Variants in SLIT2 observed in about 807,000 individuals in gnomAD.
SLIT2 encodes the protein slit guidance ligand 2, also known as slit homolog 2 protein.
Under a neutral mutation model 185.7 loss-of-function variants are expected in SLIT2, and 41 were observed. That is an observed-to-expected ratio of 0.22 (90% CI 0.17 to 0.29). SLIT2 has a LOEUF of 0.29. SLIT2 is among the 10% of genes least tolerant of loss of function. SLIT2 has a pLI of 1.00. For missense variants in SLIT2, 1,571 were observed against 1,909.0 expected (o/e 0.82, Z 3.30); for synonymous variants, 693 against 680.2 (o/e 1.02, Z -0.29).
intron 4 of SLIT2, among the ~76,000 whole-genome samples, chr4:20,340,766 A>T (rs1423664209): frequency 6.6e-6 from 1 of 152,008 alleles, no homozygotes; most frequent in Non-Finnish European, 1.5e-5. Context: ...AGACCCGGCT[A>T]ATTTTTTGTA....
At position 20,532,022 on chromosome 4, in the gene SLIT2, C is replaced by T. The variant is rs766793237; in HGVS notation, c.1652C>T (p.Thr551Ile). The stretch of plus-strand genomic sequence containing the variant: ...AATGAATTTACCGTGTTGGAAGCCA[C>T]AGGAATCTTTAAGAAACTTCCTCAA... ...NNNEFTVLEA[T>I]GIFKKLPQLR... The change falls in exon 17 of 37, where the codon ACA becomes ATA. Residue 551 changes from threonine to isoleucine, a missense_variant. Around this residue, in one of 3 missense-constraint regions of SLIT2, gnomAD observed 1,202 missense variants for 1,416.4 expected, o/e 0.85. Coordinates refer to ENST00000504154, the MANE Select transcript of SLIT2 (RefSeq NM_004787.4). 6.3e-7 allele frequency: 1 copy of T among 1,579,240 alleles called. No homozygotes were observed. The highest frequency in any genetic ancestry group is 8.5e-7 in the Non-Finnish European group (1 of 1,169,642).
In SLIT2 at chr4:20,338,481, G is replaced by T. The variant is rs528041947; in HGVS notation, c.395+69600G>T. On this transcript the variant is annotated intron_variant, in intron 4 of 36. Coordinates refer to ENST00000504154, the MANE Select transcript of SLIT2 (RefSeq NM_004787.4). The stretch of plus-strand genomic sequence containing the variant: ...TCACATTTAGTCAGAAATATGGAAG[G>T]TATATGTTAACATGATTTACATATC... Among the ~76,000 whole-genome samples, 16 of 152,234 alleles carry T rather than the reference G, an allele frequency of 1.1e-4. No individual in the cohort carries two copies. The South Asian group carries it at 3.3e-3, about 32-fold the overall frequency.
intron 9 of SLIT2, among the ~76,000 whole-genome samples, chr4:20,492,842 T>C (rs1255791371): frequency 6.6e-6 from 1 of 152,168 alleles, no homozygotes; most frequent in Non-Finnish European, 1.5e-5. Flanking sequence ...TAATGTACCT[T>C]ATATGAGAAT....
chr4:20,519,514 T>C (rs1443311827), intron 12 of SLIT2, 61 bp downstream of exon 12: 19 of 1,023,652 alleles, frequency 1.9e-5, no homozygotes, highest in Non-Finnish European at 2.8e-5. Flanking sequence ...CATTTTGTTG[T>C]CTCATATTTT....
At chr4:20,575,696 C>T (rs1223061293) in intron 29 of SLIT2, among the ~76,000 whole-genome samples, 3 of 152,050 alleles carry the variant, frequency 2.0e-5, no homozygotes, top group Non-Finnish European at 4.4e-5. Context: ...TTTCCTTCTG[C>T]TCTCCTGCTG....
At chr4:20,457,568 CT>C (rs987907101) in intron 4 of SLIT2, among the ~76,000 whole-genome samples, 2 of 152,058 alleles carry the variant, frequency 1.3e-5, no homozygotes, top group Non-Finnish European at 2.9e-5. Context: ...GTCCCCAACA[CT>C]TCAAGCAGTA....
intron 4 of SLIT2, among the ~76,000 whole-genome samples, chr4:20,298,822 A>G (rs760300908): frequency 6.6e-6 from 1 of 152,182 alleles, no homozygotes; most frequent in Non-Finnish European, 1.5e-5. Flanking sequence ...TATTTCAATA[A>G]AAACTTTATA....
chr4:20,577,074 A>G (rs562659625), intron 29 of SLIT2, among the ~76,000 whole-genome samples: 6 of 152,116 alleles, frequency 3.9e-5, no homozygotes, highest in Non-Finnish European at 5.9e-5. Context: ...ACAAAAATCC[A>G]TAAGACATTA....
At chr4:20,540,170 C>G (rs1722678560) in intron 19 of SLIT2, among the ~76,000 whole-genome samples, 1 of 151,976 alleles carries the variant, frequency 6.6e-6, no homozygotes, top group Non-Finnish European at 1.5e-5. Flanking sequence ...TGCCTGTAGT[C>G]CCAGCTACTC....
chr4:20,609,071 G>A (rs145158367), intron 33 of SLIT2, among the ~76,000 whole-genome samples: 1 of 152,080 alleles, frequency 6.6e-6, no homozygotes, highest in Non-Finnish European at 1.5e-5. Context: ...TGTTTCATTG[G>A]TCTGGTTTGC....
At chr4:20,328,001 G>A (rs969512253) in intron 4 of SLIT2, among the ~76,000 whole-genome samples, 77 of 151,998 alleles carry the variant, frequency 5.1e-4, no homozygotes, top group African/African-American at 1.8e-3. Flanking sequence ...ACATCAATAA[G>A]TTACGCAATG....
At chr4:20,300,953 A>G (rs1450490986) in intron 4 of SLIT2, among the ~76,000 whole-genome samples, 1 of 152,112 alleles carries the variant, frequency 6.6e-6, no homozygotes, top group East Asian at 1.9e-4. Flanking sequence ...CTAATTTTAA[A>G]AAGTAATCTC....
At position 20,330,957 on chromosome 4, in the gene SLIT2, C is replaced by T. The variant is rs61792593; in HGVS notation, c.395+62076C>T. 1.3e-3 allele frequency among the ~76,000 whole-genome samples: 192 copies of T among 152,180 alleles called. 2 individuals carry two copies. Among genetic ancestry groups the T allele is most frequent in the Admixed American group, 4.6e-3 (70 of 15,274 alleles). ...AAATTGGGTCTTTAATTGCAGTTCT[C>T]TTCAAAGTAAGCCTGTAAGAAAGTC... On this transcript the variant is annotated intron_variant, in intron 4 of 36. Transcript: ENST00000504154.
At chr4:20,517,579 G>A (rs943909813) in intron 11 of SLIT2, among the ~76,000 whole-genome samples, 9 of 151,944 alleles carry the variant, frequency 5.9e-5, no homozygotes, top group African/African-American at 1.5e-4. Flanking sequence ...TCTAATTGAT[G>A]TACTTTTCTA....
In SLIT2 at chr4:20,253,991, G is replaced by A. The variant is rs1332485424; in HGVS notation, c.176G>A (p.Arg59Lys). The change falls in exon 1 of 37, where the codon AGA (arginine) becomes AAA (lysine). Residue 59 changes from arginine (R) to lysine (K), a missense_variant. Coordinates refer to ENST00000504154, the MANE Select transcript of SLIT2 (RefSeq NM_004787.4). ...VPRNIPRNTE[R>K]LDLNGNNITR... ...AGGAATATCCCCCGCAACACCGAGA[G>A]ACTGTGAGTATGCGCTCTTCGTCTT... 1 of 1,602,166 alleles carries A rather than the reference G, an allele frequency of 6.2e-7. No individual in the cohort carries two copies.
chr4:20,543,866 T>C (rs1723026303), intron 21 of SLIT2, among the ~76,000 whole-genome samples: 1 of 152,180 alleles, frequency 6.6e-6, no homozygotes, highest in Non-Finnish European at 1.5e-5. Context: ...ATTTTATATG[T>C]ATATGTGTGT....
intron 29 of SLIT2, among the ~76,000 whole-genome samples, chr4:20,570,277 G>T (rs1725458275): frequency 6.6e-6 from 1 of 152,066 alleles, no homozygotes; most frequent in African/African-American, 2.4e-5. Context: ...CGACTGCTTA[G>T]TGGGTGGAAT....
intron 4 of SLIT2, among the ~76,000 whole-genome samples, chr4:20,387,091 T>G (rs1297134300): frequency 6.6e-6 from 1 of 152,184 alleles, no homozygotes; most frequent in Non-Finnish European, 1.5e-5. Flanking sequence ...GGTGAGCCTG[T>G]GACTGCTGTG....
At chr4:20,480,968 C>A (rs1024911408) in intron 6 of SLIT2, among the ~76,000 whole-genome samples, 181 bp downstream of exon 6, 6 of 151,996 alleles carry the variant, frequency 3.9e-5, no homozygotes, top group Non-Finnish European at 1.5e-5. Context: ...ACCTTGCGTA[C>A]CATATCTGTA....
Sources: gnomAD v4.1 joint callset for allele counts (sites outside exome capture counted in the v4.1 genomes callset) on GRCh38, gnomAD v4.1.1 for gene constraint, gnomAD v4.1.1 regional missense constraint, MANE v1.5 for transcripts, NCBI Gene and HGNC (gene_info 2026-07-23, HGNC 2026-07-21) for gene names.